The following RFX4 variants were observed in gnomAD, a reference collection of about 807,000 sequenced individuals.
The protein encoded by RFX4 is transcription factor RFX4.
In RFX4, 10 loss-of-function variants were observed where a neutral mutation model predicts 95.0. The ratio of observed to expected loss-of-function variants is 0.11; its 90% CI spans 0.06 to 0.18. The LOEUF (loss-of-function observed/expected upper bound fraction) is 0.18. RFX4 is among the 10% of genes least tolerant of loss of function. The pLI, the probability that RFX4 is intolerant of heterozygous loss-of-function variation, is 1.00. For synonymous variants in RFX4, 321 were observed against 340.7 expected, an observed-to-expected ratio of 0.94 and a Z score of 0.64; for missense variants, 640 against 922.0, an observed-to-expected ratio of 0.69 and a Z score of 3.96.
chr12:106,707,300 C>T (rs375009150), intron 8 of RFX4, among the ~76,000 whole-genome samples: 4 of 151,992 alleles, frequency 2.6e-5, no homozygotes, highest in East Asian at 3.9e-4. Context: ...ACCTCTGGGC[C>T]GGAGGTGCAA....
chr12:106,683,646 T>C (rs1281347620), intron 5 of RFX4: 1 of 151,884 alleles, frequency 6.6e-6, no homozygotes, highest in Non-Finnish European at 1.5e-5. Context: ...AACAGAAGAG[T>C]GGATGGATAG....
chr12:106,606,522 G>A (rs866633893), intron 1 of RFX4, among the ~76,000 whole-genome samples: 2 of 152,196 alleles, frequency 1.3e-5, no homozygotes, highest in South Asian at 4.1e-4. Flanking sequence ...CCAGATGTGC[G>A]TTTGGATACA....
At chr12:106,750,858 C>A in intron 17 of RFX4, 65 bp downstream of exon 17, 1 of 1,434,948 alleles carries the variant, frequency 7.0e-7, no homozygotes, top group Non-Finnish European at 9.2e-7. Flanking sequence ...CTGGTTAACA[C>A]AGTTCATAAA....
intron 15 of RFX4, among the ~76,000 whole-genome samples, chr12:106,738,472 T>C (rs900812224): frequency 6.6e-6 from 1 of 152,186 alleles, no homozygotes; most frequent in Non-Finnish European, 1.5e-5. Context: ...GCAGGTGTGA[T>C]AGACAAGGCC....
chr12:106,754,780 G>A lies in RFX4; in HGVS notation c.1935+3987G>A, dbSNP rs372057866. Among the ~76,000 whole-genome samples, 38 of 152,292 alleles carry A rather than the reference G, an allele frequency of 2.5e-4. 1 individual carries two copies. In the South Asian group the frequency reaches 7.7e-3, roughly 31 times the overall value. On this transcript the variant is annotated intron_variant, in intron 17 of 17. Coordinates refer to ENST00000392842, the MANE Select transcript of RFX4 (RefSeq NM_213594.3). ...CAGACAAGGTGTGAGAGTCCAAAGG[G>A]TCCTAGGCCAGGCTCTTCGCCACCA...
At chr12:106,734,720 G>C (rs1469335885) in intron 15 of RFX4, among the ~76,000 whole-genome samples, 1 of 152,106 alleles carries the variant, frequency 6.6e-6, no homozygotes, top group East Asian at 1.9e-4. Context: ...TATATCCAAA[G>C]GAATGAAGTT....
intron 5 of RFX4, among the ~76,000 whole-genome samples, chr12:106,686,587 G>A (rs913988965): frequency 3.3e-5 from 5 of 152,106 alleles, no homozygotes; most frequent in Non-Finnish European, 7.4e-5. Flanking sequence ...AGTACTAATG[G>A]AAAATTTTTC....
chr12:106,752,134 C>A (rs2136096293), intron 17 of RFX4, among the ~76,000 whole-genome samples: 1 of 151,256 alleles, frequency 6.6e-6, no homozygotes, highest in African/African-American at 2.4e-5. Flanking sequence ...AGGAAGGGAT[C>A]CAGTTTCAGC....
At chr12:106,687,150 TC>T (rs2137419918) in intron 6 of RFX4, 53 bp downstream of exon 6, 3 of 1,393,906 alleles carry the variant, frequency 2.2e-6, no homozygotes, top group Non-Finnish European at 3.0e-6. Flanking sequence ...TCTCTTTCTC[TC>T]TCTCTCTCTG....
At chr12:106,647,692 A>G (rs1168716128) in intron 3 of RFX4, among the ~76,000 whole-genome samples, 4 of 152,146 alleles carry the variant, frequency 2.6e-5, no homozygotes, top group Non-Finnish European at 5.9e-5. Flanking sequence ...AAGGACTTTC[A>G]GTTTAAGATA....
intron 15 of RFX4, among the ~76,000 whole-genome samples, chr12:106,739,974 G>A (rs1378303163): frequency 6.6e-6 from 1 of 152,144 alleles, no homozygotes; most frequent in South Asian, 2.1e-4. Context: ...AAAGCAAAAC[G>A]TTAAGCTCCT....
intron 1 of RFX4, among the ~76,000 whole-genome samples, chr12:106,593,810 A>T (rs1245559415): frequency 6.6e-6 from 1 of 152,208 alleles, no homozygotes; most frequent in African/African-American, 2.4e-5. Context: ...TTGTGTACTG[A>T]ATCTAAATGC....
At chr12:106,703,576 G>A (rs1054863167) in intron 8 of RFX4, among the ~76,000 whole-genome samples, 1 of 152,194 alleles carries the variant, frequency 6.6e-6, no homozygotes, top group Non-Finnish European at 1.5e-5. Context: ...GGTATCTTCT[G>A]AGGATTTAGT....
intron 4 of RFX4, among the ~76,000 whole-genome samples, chr12:106,661,446 C>T (rs1328062823): frequency 1.3e-5 from 2 of 152,120 alleles, no homozygotes; most frequent in African/African-American, 4.8e-5. Context: ...AGAGATTTCT[C>T]ATATACCCCG....
At chr12:106,628,084 T>G (rs2040341032) in intron 2 of RFX4, among the ~76,000 whole-genome samples, 2 of 152,140 alleles carry the variant, frequency 1.3e-5, no homozygotes, top group African/African-American at 4.8e-5. Flanking sequence ...TAGGCTGTGA[T>G]TTAAGATGAC....
intron 4 of RFX4, among the ~76,000 whole-genome samples, chr12:106,659,144 A>G (rs961195200): frequency 6.6e-6 from 1 of 152,178 alleles, no homozygotes; most frequent in Non-Finnish European, 1.5e-5. Context: ...ACTCTTTTTT[A>G]GATGTTAAAA....
intron 2 of RFX4, among the ~76,000 whole-genome samples, chr12:106,635,403 C>T (rs1260648875): frequency 3.3e-5 from 5 of 152,178 alleles, no homozygotes; most frequent in African/African-American, 1.2e-4. Context: ...ACCTCCGCCT[C>T]CCAGGCTCAA....
intron 11 of RFX4, among the ~76,000 whole-genome samples, chr12:106,717,592 A>ATGCCTGTCCTAAGTCAGGTACTGTATT (rs1295004396): frequency 6.6e-6 from 1 of 152,232 alleles, no homozygotes; most frequent in African/African-American, 2.4e-5. Context: ...TCCTTACTGA[A>ATGCCTGTCCTAAGTCAGGTACTGTATT]TGCCTGTCCT....
At chr12:106,691,221 A>G (rs932001917) in intron 7 of RFX4, among the ~76,000 whole-genome samples, 2 of 152,226 alleles carry the variant, frequency 1.3e-5, no homozygotes, top group Middle Eastern at 3.2e-3. Context: ...TATTTAATTC[A>G]TAGTGTTACT....
Sources: gnomAD v4.1 joint callset for allele counts (sites outside exome capture counted in the v4.1 genomes callset) on GRCh38, gnomAD v4.1.1 for gene constraint, MANE v1.5 for transcripts, NCBI Gene and HGNC (gene_info 2026-07-23, HGNC 2026-07-21) for gene names.